CELF2: variants seen among roughly 807,000 people sequenced by gnomAD.
The protein encoded by CELF2 is CUG triplet repeat RNA-binding protein 2.
CELF2 carries 8 observed loss-of-function variants against 62.6 expected under a neutral mutation model. That is an observed-to-expected ratio of 0.13 (90% CI 0.07 to 0.23). The LOEUF (loss-of-function observed/expected upper bound fraction) is 0.23, where lower values mean the gene tolerates loss of function less well. Among genes scored for constraint, CELF2 ranks in the 10% least tolerant of loss-of-function variants. CELF2 has a pLI of 1.00. For missense variants in CELF2, 333 were observed against 671.0 expected (o/e 0.50, Z 5.56); for synonymous variants, 258 against 250.0 (o/e 1.03, Z -0.30).
the CELF2 span, among the ~76,000 whole-genome samples, chr10:10,689,812 G>A: frequency 3.3e-4 from 50 of 152,246 alleles, no homozygotes; most frequent in Non-Finnish European, 6.2e-4. Flanking sequence ...CAAATTTAAC[G>A]AAATATGTAC....
chr10:11,185,185 T>TG (rs1014752300), intron 2 of CELF2, among the ~76,000 whole-genome samples: 6 of 151,956 alleles, frequency 3.9e-5, no homozygotes, highest in African/African-American at 1.2e-4. Flanking sequence ...TTTTTGTGTG[T>TG]TTTTTTTAAG....
chr10:10,831,616 C>T (rs535253463), intron 1 of CELF2, among the ~76,000 whole-genome samples: 4 of 152,286 alleles, frequency 2.6e-5, no homozygotes, highest in African/African-American at 9.6e-5. Flanking sequence ...AAGCTGTTCC[C>T]AAATCAATGT....
chr10:11,007,403 A>G (rs201116), intron 1 of CELF2, among the ~76,000 whole-genome samples: 39,656 of 152,144 alleles, frequency 0.26, 10,026 homozygotes, highest in African/African-American at 0.66. Flanking sequence ...AAATTTTAAT[A>G]CAGGATTATT....
intron 2 of CELF2, among the ~76,000 whole-genome samples, chr10:11,192,856 G>C (rs1197208076): frequency 1.3e-5 from 2 of 152,210 alleles, no homozygotes; most frequent in Admixed American, 1.3e-4. Context: ...TGGGTCCCAG[G>C]TGGCACCTGA....
intron 1 of CELF2, among the ~76,000 whole-genome samples, chr10:11,111,301 C>G (rs147738909): frequency 1.3e-5 from 2 of 152,306 alleles, no homozygotes; most frequent in African/African-American, 4.8e-5. Context: ...TCCCTGTTCA[C>G]TAGGTTAGGT....
upstream of CELF2, among the ~76,000 whole-genome samples, chr10:11,001,114 A>G (rs2136990881): frequency 6.6e-6 from 1 of 152,290 alleles, no homozygotes. Context: ...CTGCAAATCC[A>G]TTTCTTTTAG....
rs547005278 is a variant in CELF2, at chr10:11,106,789, T to A, written c.75-58697T>A. Among the ~76,000 whole-genome samples the A allele has an allele frequency of 1.6e-3, 245 of 152,342 alleles. 2 individuals are homozygous for A. The highest frequency in any genetic ancestry group is 5.3e-3 in the African/African-American group (222 of 41,578). ...CTGAGGAGGGAAAGGGCATTGCAGT[T>A]GTGGTTCTGTTTACACACCCAGCAT... is the stretch of plus-strand genomic sequence containing the variant. On this transcript the variant is annotated intron_variant, in intron 1 of 12. Transcript: ENST00000633077.
intron 1 of CELF2, chr10:11,097,281 T>C (rs2050162910): frequency 6.6e-6 from 1 of 152,238 alleles, no homozygotes; most frequent in Non-Finnish European, 1.5e-5. Context: ...CGTTAAAAAC[T>C]TGCCTTTAAA....
At chr10:10,555,892 C>G in the CELF2 span, among the ~76,000 whole-genome samples, 18 of 152,296 alleles carry the variant, frequency 1.2e-4, no homozygotes, top group East Asian at 3.1e-3. Flanking sequence ...TGTTTCTGTT[C>G]CAGACTTGCC....
At position 11,165,466 on chromosome 10, in the gene CELF2, C is replaced by T; in HGVS notation, c.75-20C>T. On this transcript the variant is annotated intron_variant, in intron 1 of 12. Coordinates refer to ENST00000633077, the MANE Select transcript of CELF2 (RefSeq NM_001326342.2). The surrounding 1 kb of genome is among the most constrained non-coding windows in gnomAD (Gnocchi z 7.4). Reference sequence around the variant, plus strand: ...TCATCGTGCCGCCCTAACTCTGGCTCCCGGTTCCGTTTTTGACAGTAACGG... The same window carrying T: ...TCATCGTGCCGCCCTAACTCTGGCTTCCGGTTCCGTTTTTGACAGTAACGG... 1 of 1,608,204 alleles carries T rather than the reference C, an allele frequency of 6.2e-7. No homozygotes were observed. Among genetic ancestry groups the T allele is most frequent in the Non-Finnish European group, 8.5e-7 (1 of 1,176,742 alleles).
intron 1 of CELF2, among the ~76,000 whole-genome samples, chr10:11,109,055 C>T (rs1298429249): frequency 6.6e-6 from 1 of 152,112 alleles, no homozygotes; most frequent in Non-Finnish European, 1.5e-5. Flanking sequence ...CTTCCTCATC[C>T]CAAGCTATCA....
At chr10:10,884,501 A>G (rs2061631758) in intron 1 of CELF2, among the ~76,000 whole-genome samples, 1 of 152,202 alleles carries the variant, frequency 6.6e-6, no homozygotes, top group Admixed American at 6.5e-5. Context: ...CTAATTTTTT[A>G]TTTCATGTAT....
chr10:11,199,291 G>T (rs116005154), intron 2 of CELF2, among the ~76,000 whole-genome samples: 2,071 of 152,264 alleles, frequency 0.014, 47 homozygotes, highest in African/African-American at 0.047. Flanking sequence ...TCGGTTGCTG[G>T]TTATCTCTTA....
chr10:11,150,756 C>G (rs1325462726), intron 1 of CELF2, among the ~76,000 whole-genome samples: 1 of 152,232 alleles, frequency 6.6e-6, no homozygotes, highest in Non-Finnish European at 1.5e-5. Flanking sequence ...GTTTATTTCT[C>G]TCACATGTGG....
the CELF2 span, among the ~76,000 whole-genome samples, chr10:10,730,420 TG>T: frequency 6.6e-6 from 1 of 152,114 alleles, no homozygotes; most frequent in Non-Finnish European, 1.5e-5. Flanking sequence ...GAAGTTGCAG[TG>T]AGCCAAGATC....
the CELF2 span, among the ~76,000 whole-genome samples, chr10:10,749,729 G>A: frequency 5.0e-4 from 76 of 152,278 alleles, 2 homozygotes; most frequent in African/African-American, 1.8e-3. Flanking sequence ...CTATAAAGAC[G>A]AAAAGACTGG....
the CELF2 span, among the ~76,000 whole-genome samples, chr10:10,736,391 T>TCTTC: frequency 1.2e-5 from 1 of 86,010 alleles, no homozygotes; most frequent in Non-Finnish European, 2.6e-5. Flanking sequence ...TTTCTTTCTT[T>TCTTC]CTTTCTTTTT....
intron 1 of CELF2, among the ~76,000 whole-genome samples, chr10:11,009,549 T>A (rs934487668): frequency 1.7e-4 from 26 of 152,160 alleles, no homozygotes; most frequent in African/African-American, 6.3e-4. Flanking sequence ...TCCGGCACAT[T>A]TTCTTGTATG....
the CELF2 span, among the ~76,000 whole-genome samples, chr10:10,647,717 C>A: frequency 6.6e-6 from 1 of 152,172 alleles, no homozygotes; most frequent in Non-Finnish European, 1.5e-5. Context: ...GGCTTGCTTT[C>A]TTTTAAAACT....
Sources: gnomAD v4.1 joint callset for allele counts (sites outside exome capture counted in the v4.1 genomes callset) on GRCh38, gnomAD v4.1.1 for gene constraint, Gnocchi (gnomAD v3.1) non-coding constraint, MANE v1.5 for transcripts, NCBI Gene and HGNC (gene_info 2026-07-23, HGNC 2026-07-21) for gene names.